Variants in SHOC1 observed in about 807,000 individuals in gnomAD.
SHOC1 encodes shortage in chiasmata 1.
A neutral mutation model predicts 179.2 loss-of-function variants in SHOC1; 136 were observed. The observed-to-expected ratio is 0.76, with a 90% CI of 0.66 to 0.87. SHOC1 has a LOEUF of 0.87. Among genes scored for constraint, SHOC1 ranks in the 40% least tolerant of loss-of-function variants. The probability of loss-of-function intolerance (pLI) is 0.00; values close to 1 mark genes in which losing one functional copy is unlikely to be tolerated. For missense variants in SHOC1, 1,538 were observed against 1,700.8 expected, an observed-to-expected ratio of 0.90 and a Z score of 1.68; for synonymous variants, 489 against 586.6, an observed-to-expected ratio of 0.83 and a Z score of 2.41.
chr9:111,743,123 A>G (rs1834118126), intron 10 of SHOC1, among the ~76,000 whole-genome samples: 1 of 152,216 alleles, frequency 6.6e-6, no homozygotes, highest in Admixed American at 6.5e-5. Context: ...ACTGGGTATT[A>G]TTTTCAGCCA....
chr9:111,722,289 T>C (rs551210846), intron 15 of SHOC1, 120 bp downstream of exon 15: 19 of 873,590 alleles, frequency 2.2e-5, no homozygotes, highest in Middle Eastern at 3.5e-4. Context: ...ACAAGCTGAA[T>C]TACAGTCATG....
At chr9:111,776,347 T>C (rs1358786414) in intron 4 of SHOC1, among the ~76,000 whole-genome samples, 1 of 152,260 alleles carries the variant, frequency 6.6e-6, no homozygotes, top group African/African-American at 2.4e-5. Context: ...AAGTTTGTTA[T>C]AATTGCTTGC....
rs532852357 is a variant in SHOC1, at chr9:111,777,056, A to C, written c.258-1081T>G. On this transcript the variant is annotated intron_variant, in intron 4 of 27. Transcript: ENST00000682961. ...GCTGACTGTTCAGGTTGGAGATGGA[A>C]ATATAGGGGGTGGAAGTGAGGTTTT... Among the ~76,000 whole-genome samples the C allele has an allele frequency of 2.6e-5, 4 of 152,160 alleles. No homozygotes were observed. In the East Asian group the frequency reaches 7.7e-4, roughly 29 times the overall value.
chr9:111,692,182 C>T lies in SHOC1; in HGVS notation c.3795G>A (p.Gly1265=), dbSNP rs143924637. The stretch of plus-strand genomic sequence containing the variant: ...TATTAATTAGAAAAGGAGTATTCTG[C>T]CCTATATTAGATTTACAGCTGGAGT... ...WKDSSCKSNI[G]QNTPFLINIE... Residue 1265 remains glycine, a synonymous_variant, in exon 27 of 28, where the codon GGG becomes GGA. Coordinates refer to ENST00000682961, the MANE Select transcript of SHOC1 (RefSeq NM_001378211.1). 200 of 1,613,582 alleles carry T rather than the reference C, an allele frequency of 1.2e-4. No individual in the cohort carries two copies. The highest frequency in any genetic ancestry group is 1.7e-4 in the Non-Finnish European group (195 of 1,179,756).
At chr9:111,755,183 T>G (rs1384686398) in intron 8 of SHOC1, among the ~76,000 whole-genome samples, 1 of 88,102 alleles carries the variant, frequency 1.1e-5, no homozygotes, top group Non-Finnish European at 2.3e-5. Flanking sequence ...TAAAGTCATT[T>G]GTTGTCCTTT....
chr9:111,699,910 GT>G, intron 24 of SHOC1, 43 bp downstream of exon 24: 1 of 1,335,576 alleles, frequency 7.5e-7, no homozygotes, highest in Non-Finnish European at 1.0e-6. Flanking sequence ...TATAATTTTG[GT>G]TTATAAAAAA....
chr9:111,778,558 C>G (rs1835912775), intron 4 of SHOC1, among the ~76,000 whole-genome samples: 1 of 152,088 alleles, frequency 6.6e-6, no homozygotes, highest in Non-Finnish European at 1.5e-5. Context: ...CACCTGAGAT[C>G]AGGAGTTTGA....
intron 10 of SHOC1, among the ~76,000 whole-genome samples, chr9:111,743,767 G>A (rs889754133): frequency 1.1e-4 from 17 of 152,190 alleles, no homozygotes; most frequent in South Asian, 4.2e-4. Context: ...AATAACATTC[G>A]CAGTTTCAGG....
chr9:111,764,211 C>T (rs750115004), intron 5 of SHOC1, among the ~76,000 whole-genome samples: 67 of 152,286 alleles, frequency 4.4e-4, no homozygotes, highest in Middle Eastern at 3.4e-3. Context: ...GTTATCAGAA[C>T]GATTGTCCCT....
intron 17 of SHOC1, among the ~76,000 whole-genome samples, chr9:111,713,543 G>C (rs188682948): frequency 2.8e-4 from 42 of 152,234 alleles, no homozygotes; most frequent in Middle Eastern, 3.4e-3. Context: ...AGTTTTGTGG[G>C]GGAGAGGTGG....
chr9:111,749,249 A>G (rs1367095134), intron 8 of SHOC1, among the ~76,000 whole-genome samples: 1 of 152,136 alleles, frequency 6.6e-6, no homozygotes, highest in Non-Finnish European at 1.5e-5. Flanking sequence ...TCTTAAGTTG[A>G]TAATACATCT....
intron 5 of SHOC1, among the ~76,000 whole-genome samples, chr9:111,764,615 A>G (rs1464220139): frequency 6.6e-6 from 1 of 152,204 alleles, no homozygotes; most frequent in Non-Finnish European, 1.5e-5. Flanking sequence ...CGTGGTAGTG[A>G]GGGTATAAAA....
intron 24 of SHOC1, among the ~76,000 whole-genome samples, chr9:111,696,591 T>C (rs994209809): frequency 2.0e-5 from 3 of 152,186 alleles, no homozygotes; most frequent in Admixed American, 6.5e-5. Context: ...CAGGTGGAAA[T>C]AGACTTGTTT....
chr9:111,766,393 CTTTT>C (rs1835361140), intron 5 of SHOC1, among the ~76,000 whole-genome samples: 2 of 152,254 alleles, frequency 1.3e-5, no homozygotes, highest in South Asian at 4.1e-4. Context: ...AATTTCCTTT[CTTTT>C]CCAGAAGTGG....
At chr9:111,772,674 A>G (rs532346753) in intron 5 of SHOC1, among the ~76,000 whole-genome samples, 5 of 152,294 alleles carry the variant, frequency 3.3e-5, no homozygotes, top group South Asian at 4.2e-4. Flanking sequence ...GTCTGCCCCA[A>G]ATGGGAGAGT....
intron 5 of SHOC1, among the ~76,000 whole-genome samples, chr9:111,759,907 T>G (rs1022073858): frequency 6.6e-6 from 1 of 152,192 alleles, no homozygotes; most frequent in Non-Finnish European, 1.5e-5. Context: ...AAGAGATTTA[T>G]CTGAACTTAA....
rs869219654 is a variant in SHOC1 at position 111,705,168 on chromosome 9, TATAC to T, written c.2855+75_2855+78del. The T allele has an allele frequency of 7.6e-3, 3,837 of 506,622 alleles. 37 individuals are homozygous for T. The highest frequency in any genetic ancestry group is 0.04 in the African/African-American group (1,814 of 45,342). The allele number at this position is 506,622 out of a possible 1,614,324, so 31.4% of individuals were successfully genotyped here. A position where few individuals can be genotyped will look rare whatever the true frequency, so the allele number is the denominator to read the frequency against. On this transcript the variant is annotated intron_variant, in intron 21 of 27. Transcript: ENST00000682961. ...ATAATATTTAGCCTATCAGAATATA[TATAC>T]ACACACACACACACACACACACACA...
intron 17 of SHOC1, among the ~76,000 whole-genome samples, chr9:111,714,188 A>C (rs1274846326): frequency 6.6e-6 from 1 of 152,060 alleles, no homozygotes; most frequent in Non-Finnish European, 1.5e-5. Flanking sequence ...CTAATTTAAA[A>C]ATTTTTTTTA....
At chr9:111,689,322 A>C (rs1381383544) in intron 27 of SHOC1, among the ~76,000 whole-genome samples, 2 of 138,324 alleles carry the variant, frequency 1.4e-5, no homozygotes, top group Non-Finnish European at 3.0e-5. Context: ...ACAGAGCAAG[A>C]CTCTGTCAAT....
Sources: gnomAD v4.1 joint callset for allele counts (sites outside exome capture counted in the v4.1 genomes callset) on GRCh38, gnomAD v4.1.1 for gene constraint, MANE v1.5 for transcripts, NCBI Gene and HGNC (gene_info 2026-07-23, HGNC 2026-07-21) for gene names.